The following MACROH2A1 variants were observed in gnomAD, a reference collection of about 807,000 sequenced individuals.
The protein encoded by MACROH2A1 is macroH2A.1 histone.
In MACROH2A1, 2 loss-of-function variants were observed where a neutral mutation model predicts 31.6. That is an observed-to-expected ratio of 0.06 (90% CI 0.03 to 0.20). The LOEUF (loss-of-function observed/expected upper bound fraction) is 0.20. Ranked by LOEUF, MACROH2A1 falls within the 10% of genes least tolerant of loss-of-function variation. The pLI, the probability that MACROH2A1 is intolerant of heterozygous loss-of-function variation, is 1.00. For missense variants in MACROH2A1, 230 were observed against 474.0 expected, an observed-to-expected ratio of 0.49 and a Z score of 4.78; for synonymous variants, 169 against 189.6, an observed-to-expected ratio of 0.89 and a Z score of 0.89.
Position 135,377,381 on chromosome 5 carries a change from A to T in MACROH2A1, c.173-7239T>A, listed in dbSNP as rs1314454057. Among the ~76,000 whole-genome samples the T allele has an allele frequency of 1.3e-5, 2 of 152,282 alleles. 1 individual carries two copies. Among genetic ancestry groups the T allele is most frequent in the South Asian group, 4.1e-4 (2 of 4,838 alleles). On this transcript the variant is annotated intron_variant, in intron 2 of 8. Coordinates refer to ENST00000511689, the MANE Select transcript of MACROH2A1 (RefSeq NM_138610.3). ...AACCACAGCCATTTGTTCTTAATTC[A>T]TCTCAGGAAGGGGTGAACAATCAGC...
intron 5 of MACROH2A1, chr5:135,358,353 T>C: frequency 2.0e-6 from 2 of 985,420 alleles, no homozygotes; most frequent in Non-Finnish European, 2.4e-6. Context: ...TTTGGAAACA[T>C]GGAGTTTATT....
chr5:135,373,737 C>T (rs1193490825), intron 2 of MACROH2A1, among the ~76,000 whole-genome samples: 2 of 152,110 alleles, frequency 1.3e-5, no homozygotes, highest in African/African-American at 4.8e-5. Flanking sequence ...TGCAAAACCC[C>T]AGCTCATCTT....
intron 2 of MACROH2A1, among the ~76,000 whole-genome samples, chr5:135,380,179 T>C (rs1765468956): frequency 6.6e-6 from 1 of 152,148 alleles, no homozygotes; most frequent in African/African-American, 2.4e-5. Context: ...TAAAAAACTA[T>C]TTACCATGTA....
chr5:135,388,835 TAAAAG>T, intron 2 of MACROH2A1, 82 bp downstream of exon 2: 1 of 1,163,252 alleles, frequency 8.6e-7, no homozygotes, highest in Non-Finnish European at 1.2e-6. Context: ...TGTTTCAAAA[TAAAAG>T]AAACAAAAGT....
chr5:135,349,321 T>G (rs1016962880), intron 6 of MACROH2A1, among the ~76,000 whole-genome samples: 2 of 152,168 alleles, frequency 1.3e-5, no homozygotes, highest in Non-Finnish European at 2.9e-5. Context: ...TATCAAATTT[T>G]CATTTGGTTT....
In MACROH2A1 at chr5:135,369,096, G is replaced by T. The variant is rs1312139520; in HGVS notation, c.477+310C>A. Among the ~76,000 whole-genome samples, 1 of 152,208 alleles carries T rather than the reference G, an allele frequency of 6.6e-6. No individual in the cohort carries two copies. ...AGGGAAGCCCCCTTCCCACAGGTGT[G>T]TGCATCTCCCTGGAAGGGCCAGCTT... On this transcript the variant is annotated intron_variant, in intron 4 of 8. Transcript: ENST00000511689. This position sits in a 1 kb window ranked among gnomAD's most constrained non-coding sequence, Gnocchi z 4.3.
At chr5:135,351,426 A>G (rs982154264) in intron 6 of MACROH2A1, 6 of 156,162 alleles carry the variant, frequency 3.8e-5, no homozygotes, top group African/African-American at 1.2e-4. Flanking sequence ...CCCAGAGAAC[A>G]GTATTGATAT....
chr5:135,377,671 C>T (rs1765076400), intron 2 of MACROH2A1, among the ~76,000 whole-genome samples: 1 of 152,192 alleles, frequency 6.6e-6, no homozygotes, highest in African/African-American at 2.4e-5. Flanking sequence ...GCTCTACTCC[C>T]TTTTGTGCTG....
chr5:135,360,415 C>A lies in MACROH2A1; in HGVS notation c.588+82G>T, dbSNP rs1762687760. 6.4e-6 allele frequency: 6 copies of A among 935,362 alleles called. No individual in the cohort carries two copies. In the Admixed American group the frequency reaches 8.9e-5, roughly 14 times the overall value. The allele number at this position is 935,362 out of a possible 1,614,324, so 57.9% of individuals were successfully genotyped here. On this transcript the variant is annotated intron_variant, in intron 5 of 8. Transcript: ENST00000511689. ...GAGGCTGGGAGTGGCCCCCGGGATC[C>A]CCCCAGCCTTCCAGTGGAAGTAGCC...
chr5:135,337,950 G>T (rs563965089), intron 8 of MACROH2A1: 1 of 1,199,120 alleles, frequency 8.3e-7, no homozygotes, highest in Non-Finnish European at 1.1e-6. Flanking sequence ...GCCTAAGGAA[G>T]AAACCCTGCT....
At chr5:135,359,587 A>G in intron 5 of MACROH2A1, 2 of 984,024 alleles carry the variant, frequency 2.0e-6, no homozygotes, top group Non-Finnish European at 2.4e-6. Flanking sequence ...GGAAAGGGGT[A>G]GGAGGAGAAC....
intron 5 of MACROH2A1, chr5:135,354,213 A>T (rs1365209399): frequency 6.6e-6 from 1 of 152,244 alleles, no homozygotes; most frequent in Non-Finnish European, 1.5e-5. Flanking sequence ...CTTGGCAGGG[A>T]AGCTCCTGGC....
chr5:135,363,279 TC>T (rs1317887168), intron 4 of MACROH2A1, among the ~76,000 whole-genome samples: 1 of 152,062 alleles, frequency 6.6e-6, no homozygotes, highest in East Asian at 1.9e-4. Flanking sequence ...AGTAAAGCAC[TC>T]CAGAGACAAG....
chr5:135,361,714 C>T (rs901154638), intron 4 of MACROH2A1: 4 of 152,204 alleles, frequency 2.6e-5, no homozygotes, highest in African/African-American at 9.7e-5. Context: ...TCTGAATAAA[C>T]TCTGGGCAAG....
intron 6 of MACROH2A1, chr5:135,350,785 TGC>T: frequency 7.8e-7 from 1 of 1,280,032 alleles, no homozygotes; most frequent in Non-Finnish European, 1.1e-6. Flanking sequence ...CGACTGACCA[TGC>T]ACACACACAC....
chr5:135,379,815 C>T (rs1765412683), intron 2 of MACROH2A1, among the ~76,000 whole-genome samples: 1 of 152,146 alleles, frequency 6.6e-6, no homozygotes, highest in African/African-American at 2.4e-5. Flanking sequence ...GATGCTGGGT[C>T]CCACTCCTGG....
chr5:135,340,079 T>C (rs1484309480), intron 8 of MACROH2A1, among the ~76,000 whole-genome samples: 1 of 152,092 alleles, frequency 6.6e-6, no homozygotes, highest in Non-Finnish European at 1.5e-5. Context: ...CAGGGGGCAG[T>C]CCTATGGTGG....
chr5:135,335,144 G>GGAGAA lies in MACROH2A1; in HGVS notation c.954-8_954-4dup. ...CTGTCTGCTTTGGAAAACCGTTCCT[G>GGAGAA]GAGAAGAGAAGATAAGCACTCAGCA... is the stretch of plus-strand genomic sequence containing the variant. On this transcript the variant is annotated splice_polypyrimidine_tract_variant and splice_region_variant and intron_variant, in intron 8 of 8. Coordinates refer to ENST00000511689, the MANE Select transcript of MACROH2A1 (RefSeq NM_138610.3). 7 of 1,613,444 alleles carry GGAGAA rather than the reference G, an allele frequency of 4.3e-6. No homozygotes were observed. The highest frequency in any genetic ancestry group is 5.9e-6 in the Non-Finnish European group (7 of 1,179,394).
chr5:135,342,049 T>C (rs982831894), intron 8 of MACROH2A1, among the ~76,000 whole-genome samples: 4 of 152,184 alleles, frequency 2.6e-5, no homozygotes, highest in Non-Finnish European at 2.9e-5. Context: ...TGGGCGCAAG[T>C]TGTTAACAGC....
Sources: gnomAD v4.1 joint callset for allele counts (sites outside exome capture counted in the v4.1 genomes callset) on GRCh38, gnomAD v4.1.1 for gene constraint, Gnocchi (gnomAD v3.1) non-coding constraint, MANE v1.5 for transcripts, NCBI Gene and HGNC (gene_info 2026-07-23, HGNC 2026-07-21) for gene names.